UTS2: variants seen among roughly 807,000 people sequenced by gnomAD.
UTS2 encodes the protein urotensin 2, also known as urotensin-2.
UTS2 carries 10 observed loss-of-function variants against 12.6 expected under a neutral mutation model. That is an observed-to-expected ratio of 0.80 (90% CI 0.49 to 1.35). UTS2 has a LOEUF of 1.35. Among genes scored for constraint, UTS2 ranks in the 40% most tolerant of loss-of-function variants. UTS2 has a pLI of 0.00. For synonymous variants in UTS2, 52 were observed against 50.0 expected (o/e 1.04, Z -0.17); for missense variants, 142 against 143.2 (o/e 0.99, Z 0.04).
chr1:7,851,009 T>C, intron 1 of UTS2, 87 bp from the exon 2 acceptor site: 1 of 1,304,852 alleles, frequency 7.7e-7, no homozygotes, highest in Non-Finnish European at 1.1e-6. Context: ...GCACCAGAGA[T>C]AGGGAGATGA....
In UTS2 at chr1:7,847,612, T is replaced by G. The variant is rs1180034597; in HGVS notation, c.*154A>C. ...ATAGGGAAAATAACCACTCATGATA[T>G]GTGCAAAACATAGAGGATTTATTTT... On this transcript the variant is annotated 3_prime_UTR_variant, in exon 4 of 4. Coordinates refer to ENST00000361696, the MANE Select transcript of UTS2 (RefSeq NM_006786.4). The G allele has an allele frequency of 3.4e-6, 2 of 596,300 alleles. No individual in the cohort carries two copies. The highest frequency in any genetic ancestry group is 5.9e-6 in the Non-Finnish European group (2 of 339,730). The allele number at this position is 596,300 out of a possible 1,614,324, so 36.9% of individuals were successfully genotyped here.
At chr1:7,868,051 C>G in the UTS2 span, among the ~76,000 whole-genome samples, 1 of 152,070 alleles carries the variant, frequency 6.6e-6, no homozygotes, top group African/African-American at 2.4e-5. Context: ...CAAAATAGCT[C>G]ACACCTTCAA....
the UTS2 span, among the ~76,000 whole-genome samples, chr1:7,863,072 T>C: frequency 0.017 from 1,668 of 99,294 alleles, 84 homozygotes; most frequent in African/African-American, 0.063. Context: ...TGTATTGTAT[T>C]GTATTGTATT....
At chr1:7,898,135 A>G in the UTS2 span, among the ~76,000 whole-genome samples, 1 of 152,180 alleles carries the variant, frequency 6.6e-6, no homozygotes, top group African/African-American at 2.4e-5. Context: ...TTCCTTTGGA[A>G]TCTTCAAAAT....
chr1:7,909,629 AT>A, the UTS2 span, among the ~76,000 whole-genome samples: 3 of 150,210 alleles, frequency 2.0e-5, no homozygotes, highest in South Asian at 2.1e-4. Flanking sequence ...ACTATTTTAT[AT>A]TTTTTTTTGA....
the UTS2 span, among the ~76,000 whole-genome samples, chr1:7,893,587 T>A: frequency 6.6e-6 from 1 of 152,146 alleles, no homozygotes; most frequent in Non-Finnish European, 1.5e-5. Context: ...TGATGACACG[T>A]CACAGACCCC....
chr1:7,848,512 CTGTATTGTAT>C (rs57463148), intron 3 of UTS2, among the ~76,000 whole-genome samples: 9 of 150,936 alleles, frequency 6.0e-5, no homozygotes, highest in Non-Finnish European at 1.2e-4. Flanking sequence ...ATTGTGTATA[CTGTATTGTAT>C]TGTATTGTAT....
chr1:7,908,291 C>T, the UTS2 span, among the ~76,000 whole-genome samples: 341 of 130,480 alleles, frequency 2.6e-3, 1 homozygote, highest in African/African-American at 0.011. Flanking sequence ...AGTGAGACTC[C>T]GTCTAAAAAA....
At chr1:7,909,869 G>T in the UTS2 span, among the ~76,000 whole-genome samples, 1 of 151,984 alleles carries the variant, frequency 6.6e-6, no homozygotes, top group East Asian at 1.9e-4. Flanking sequence ...TGATCTGCCC[G>T]CCTTGACCTC....
the UTS2 span, among the ~76,000 whole-genome samples, chr1:7,875,309 C>T: frequency 1.2e-4 from 18 of 152,296 alleles, no homozygotes; most frequent in African/African-American, 4.3e-4. Context: ...CTCCTGACCT[C>T]GTGATCCACC....
At chr1:7,850,975 T>C (rs2097413517) in intron 1 of UTS2, 53 bp from the exon 2 acceptor site, 2 of 1,570,986 alleles carry the variant, frequency 1.3e-6, no homozygotes, top group Admixed American at 3.3e-5. Flanking sequence ...AGTTAGTTAT[T>C]TCTGTTCCTT....
In UTS2 at chr1:7,847,797, G is replaced by T. The variant is rs1022837832; in HGVS notation, c.344C>A (p.Thr115Asn). Residue 115 changes from threonine to asparagine, a missense_variant, in exon 4 of 4, where the codon ACT becomes AAT. Thr to Asn is a moderately conservative substitution (Grantham distance 65). Coordinates refer to ENST00000361696, the MANE Select transcript of UTS2 (RefSeq NM_006786.4). ...RIWKPYKKRE[T>N]PDCFWKYCV ...ACAGTATTTCCAGAAGCAATCAGGA[G>T]TCTCACGTTTCTTGTATGGTTTCCA... 1 of 1,613,772 alleles carries T rather than the reference G, an allele frequency of 6.2e-7. No individual in the cohort carries two copies. The highest frequency in any genetic ancestry group is 1.7e-5 in the Admixed American group (1 of 60,004).
At chr1:7,873,849 A>G in the UTS2 span, among the ~76,000 whole-genome samples, 1 of 152,212 alleles carries the variant, frequency 6.6e-6, no homozygotes, top group African/African-American at 2.4e-5. Flanking sequence ...AAGGTTATCA[A>G]ATAGCATCAT....
chr1:7,848,611 C>T (rs2151381680), intron 3 of UTS2, among the ~76,000 whole-genome samples: 1 of 152,164 alleles, frequency 6.6e-6, no homozygotes, highest in East Asian at 1.9e-4. Flanking sequence ...ACCCCCGCCT[C>T]CAGGTTCAAG....
At chr1:7,895,373 A>T in the UTS2 span, among the ~76,000 whole-genome samples, 7 of 151,996 alleles carry the variant, frequency 4.6e-5, no homozygotes, top group African/African-American at 1.2e-4. Flanking sequence ...CCATCCCAAA[A>T]AAATAAATAA....
the UTS2 span, among the ~76,000 whole-genome samples, chr1:7,864,058 G>A: frequency 1.3e-5 from 2 of 152,260 alleles, no homozygotes; most frequent in South Asian, 2.1e-4. Context: ...TTCCACCGCC[G>A]TCTCCAGGTC....
At chr1:7,895,450 C>T in the UTS2 span, among the ~76,000 whole-genome samples, 11,778 of 152,088 alleles carry the variant, frequency 0.077, 1,451 homozygotes, top group East Asian at 0.56. Flanking sequence ...AATCCTATTC[C>T]CTTTAACTCT....
the UTS2 span, among the ~76,000 whole-genome samples, chr1:7,862,978 T>TTATTG: frequency 5.7e-5 from 3 of 52,196 alleles, no homozygotes; most frequent in East Asian, 5.2e-4. Context: ...CGGCCGTTAT[T>TTATTG]TATTGTGTTG....
chr1:7,855,269 G>T (rs1007637679), upstream of UTS2, among the ~76,000 whole-genome samples: 3 of 152,030 alleles, frequency 2.0e-5, no homozygotes, highest in African/African-American at 7.2e-5. Flanking sequence ...AGAAACATTT[G>T]CTCAAGATAC....
Sources: allele counts gnomAD v4.1 joint callset (sites outside exome capture counted in the v4.1 genomes callset), GRCh38; gene constraint gnomAD v4.1.1; transcripts MANE v1.5; gene names NCBI Gene and HGNC (gene_info 2026-07-23, HGNC 2026-07-21).